Variants in MICAL3 observed in about 807,000 individuals in gnomAD.
The protein encoded by MICAL3 is microtubule associated monooxygenase, calponin and LIM domain containing 3.
In MICAL3, 62 loss-of-function variants were observed where a neutral mutation model predicts 207.4. That is an observed-to-expected ratio of 0.30 (90% CI 0.24 to 0.37). The LOEUF is 0.37. Ranked by LOEUF, MICAL3 falls within the 10% of genes least tolerant of loss-of-function variation. MICAL3 has a pLI of 1.00. For missense variants in MICAL3, 2,368 were observed against 2,635.6 expected, an observed-to-expected ratio of 0.90 and a Z score of 2.22; for synonymous variants, 1,077 against 1,069.3, an observed-to-expected ratio of 1.01 and a Z score of -0.14.
chr22:17,851,069 G>A (rs116721412), intron 19 of MICAL3, among the ~76,000 whole-genome samples: 267 of 152,286 alleles, frequency 1.8e-3, no homozygotes, highest in African/African-American at 6.3e-3. Context: ...CGAGTGCTGC[G>A]CTCTAGCTGT....
intron 1 of MICAL3, among the ~76,000 whole-genome samples, chr22:17,958,711 T>C (rs1934750470): frequency 2.0e-5 from 3 of 151,522 alleles, no homozygotes; most frequent in Admixed American, 6.6e-5. Flanking sequence ...TTTTATTTTT[T>C]TTTTCTTTTG....
intron 17 of MICAL3, among the ~76,000 whole-genome samples, chr22:17,866,670 T>TAG (rs1927188045): frequency 2.3e-5 from 3 of 130,462 alleles, no homozygotes; most frequent in African/African-American, 5.7e-5. Context: ...GAATAGAATA[T>TAG]AGAATAGAAT....
At chr22:18,003,667 A>C (rs1923188192) in intron 1 of MICAL3, among the ~76,000 whole-genome samples, 1 of 152,124 alleles carries the variant, frequency 6.6e-6, no homozygotes. Flanking sequence ...ACCAAGCTTC[A>C]GCTCCATCTT....
rs557065776 is a variant in MICAL3 at position 17,819,774 on chromosome 22, C to T, written c.3532-645G>A. ...CTAACATGGTGAAATCCCGTCTCTA[C>T]TAAAAATACAAAAACAAAATTAGGC... On this transcript the variant is annotated intron_variant, in intron 25 of 31. Coordinates refer to ENST00000441493, the MANE Select transcript of MICAL3 (RefSeq NM_015241.3). Among the ~76,000 whole-genome samples, 10 of 151,550 alleles carry T rather than the reference C, an allele frequency of 6.6e-5. No individual in the cohort carries two copies. In the South Asian group the frequency reaches 2.1e-3, roughly 32 times the overall value.
intron 5 of MICAL3, among the ~76,000 whole-genome samples, chr22:17,901,637 T>C (rs1931330949): frequency 6.6e-6 from 1 of 151,812 alleles, no homozygotes; most frequent in South Asian, 2.1e-4. Flanking sequence ...GATACTGCAC[T>C]CCAGCCTGGG....
intron 1 of MICAL3, among the ~76,000 whole-genome samples, chr22:17,933,440 G>T (rs1194960326): frequency 1.3e-5 from 2 of 152,008 alleles, no homozygotes; most frequent in Non-Finnish European, 2.9e-5. Flanking sequence ...AAAGACACAA[G>T]GTACCAGAAT....
intron 12 of MICAL3, among the ~76,000 whole-genome samples, chr22:17,889,564 C>T (rs1241588591): frequency 6.6e-6 from 1 of 152,222 alleles, no homozygotes; most frequent in East Asian, 1.9e-4. Flanking sequence ...CAGTGGTTCA[C>T]ACCTGTGATC....
At chr22:17,803,314 A>G (rs923053181) in intron 29 of MICAL3, among the ~76,000 whole-genome samples, 1 of 152,150 alleles carries the variant, frequency 6.6e-6, no homozygotes, top group Non-Finnish European at 1.5e-5. Context: ...CCGGGCAGAA[A>G]TCACTACAGA....
chr22:17,811,721 C>A (rs2062049957), intron 27 of MICAL3, among the ~76,000 whole-genome samples: 2 of 152,184 alleles, frequency 1.3e-5, no homozygotes, highest in African/African-American at 4.8e-5. Flanking sequence ...TCTTTATTGC[C>A]TCTAAGAAAA....
intron 1 of MICAL3, among the ~76,000 whole-genome samples, chr22:17,921,016 C>T (rs1312071369): frequency 6.6e-6 from 1 of 152,146 alleles, no homozygotes; most frequent in Non-Finnish European, 1.5e-5. Context: ...ATGACTCCCT[C>T]GCATTTTGCC....
chr22:17,910,022 T>C (rs1932009523), intron 1 of MICAL3, among the ~76,000 whole-genome samples: 1 of 152,206 alleles, frequency 6.6e-6, no homozygotes, highest in African/African-American at 2.4e-5. Context: ...TTTGGTAAGC[T>C]TTGCATACAC....
intron 1 of MICAL3, among the ~76,000 whole-genome samples, chr22:18,011,169 A>G (rs1923694330): frequency 6.6e-6 from 1 of 152,194 alleles, no homozygotes; most frequent in African/African-American, 2.4e-5. Context: ...TTCATAATCA[A>G]TGCCATCATT....
intron 1 of MICAL3, among the ~76,000 whole-genome samples, chr22:17,974,511 A>G (rs182960382): frequency 6.6e-6 from 1 of 152,194 alleles, no homozygotes; most frequent in East Asian, 1.9e-4. Flanking sequence ...TGGGAGGTGG[A>G]GGTTGGCGTT....
intron 1 of MICAL3, among the ~76,000 whole-genome samples, chr22:17,935,810 C>A (rs1318166745): frequency 6.6e-6 from 1 of 152,150 alleles, no homozygotes; most frequent in African/African-American, 2.4e-5. Flanking sequence ...ATGCAGCCAA[C>A]AGACACATGA....
At chr22:17,887,298 C>G (rs756939516) in intron 14 of MICAL3, 25 bp downstream of exon 14, 2 of 1,610,370 alleles carry the variant, frequency 1.2e-6, no homozygotes, top group South Asian at 2.2e-5. Flanking sequence ...AGCTTTGCAG[C>G]CCATCAAGAG....
intron 29 of MICAL3, among the ~76,000 whole-genome samples, chr22:17,806,113 A>C (rs183593887): frequency 2.0e-4 from 31 of 152,314 alleles, no homozygotes; most frequent in Admixed American, 1.8e-3. Context: ...GATTTTGTGG[A>C]GCCCTCAGGA....
intron 1 of MICAL3, among the ~76,000 whole-genome samples, chr22:18,000,125 A>T (rs2146485440): frequency 6.6e-6 from 1 of 152,240 alleles, no homozygotes; most frequent in Admixed American, 6.5e-5. Flanking sequence ...GTTCATCCTC[A>T]TCCCTGGAGT....
chr22:18,014,571 T>C (rs914305122), intron 1 of MICAL3, among the ~76,000 whole-genome samples: 1 of 152,258 alleles, frequency 6.6e-6, no homozygotes, highest in Non-Finnish European at 1.5e-5. Context: ...GTTCATTACA[T>C]ACCCTTCTTT....
At chr22:17,987,273 T>C (rs939911287) in intron 1 of MICAL3, among the ~76,000 whole-genome samples, 2 of 152,174 alleles carry the variant, frequency 1.3e-5, no homozygotes, top group African/African-American at 4.8e-5. Context: ...ATAATCATTT[T>C]CCACAGACTG....
Sources: allele counts gnomAD v4.1 joint callset (sites outside exome capture counted in the v4.1 genomes callset), GRCh38; gene constraint gnomAD v4.1.1; transcripts MANE v1.5; gene names NCBI Gene and HGNC (gene_info 2026-07-23, HGNC 2026-07-21).